Variants in ESRRG observed in about 807,000 individuals in gnomAD.
ESRRG encodes the protein estrogen-related receptor gamma.
Under a neutral mutation model 44.0 loss-of-function variants are expected in ESRRG, and 13 were observed. That is an observed-to-expected ratio of 0.30 (90% CI 0.19 to 0.47). ESRRG has a LOEUF of 0.47. ESRRG is among the 20% of genes least tolerant of loss of function. ESRRG has a pLI of 1.00. For missense variants in ESRRG, 395 were observed against 580.6 expected (o/e 0.68, Z 3.29); for synonymous variants, 215 against 214.6 (o/e 1.00, Z -0.02).
chr1:217,072,542 C>T (rs1291334484), intron 1 of ESRRG, among the ~76,000 whole-genome samples: 2 of 152,136 alleles, frequency 1.3e-5, no homozygotes, highest in East Asian at 1.9e-4. Context: ...GTTATTTTAA[C>T]CCCAGCTTTA....
At chr1:216,829,639 C>T (rs1429406060) in intron 2 of ESRRG, among the ~76,000 whole-genome samples, 1 of 151,720 alleles carries the variant, frequency 6.6e-6, no homozygotes, top group Non-Finnish European at 1.5e-5. Context: ...ACTCCAACCT[C>T]CGCCTCCTGG....
intron 1 of ESRRG, among the ~76,000 whole-genome samples, chr1:217,027,128 C>G (rs1416454488): frequency 6.6e-6 from 1 of 152,038 alleles, no homozygotes; most frequent in Non-Finnish European, 1.5e-5. Flanking sequence ...AATCTCTCAC[C>G]ACAAAGGCCA....
intron 2 of ESRRG, among the ~76,000 whole-genome samples, chr1:216,816,004 T>G (rs1226296089): frequency 6.6e-6 from 1 of 152,158 alleles, no homozygotes; most frequent in African/African-American, 2.4e-5. Context: ...ATGGCTCACA[T>G]GCAAAGTGTA....
intron 2 of ESRRG, among the ~76,000 whole-genome samples, chr1:216,657,163 C>A (rs1057207816): frequency 6.6e-6 from 1 of 151,988 alleles, no homozygotes; most frequent in Non-Finnish European, 1.5e-5. Flanking sequence ...CTATTCTGTG[C>A]TCATTTCCAC....
chr1:216,551,116 AAC>A (rs1465781599), intron 5 of ESRRG, among the ~76,000 whole-genome samples: 2 of 152,188 alleles, frequency 1.3e-5, no homozygotes, highest in Non-Finnish European at 2.9e-5. Context: ...GCTGCAGAAC[AAC>A]AGTCTTGAAA....
At chr1:216,640,965 T>C (rs1498282) in intron 3 of ESRRG, among the ~76,000 whole-genome samples, 124,613 of 152,082 alleles carry the variant, frequency 0.82, 51,315 homozygotes, top group African/African-American at 0.87. Context: ...AGGTTTCCCC[T>C]GCTTGGGGCT....
intron 3 of ESRRG, among the ~76,000 whole-genome samples, chr1:216,580,338 C>CG (rs2062520084): frequency 6.6e-6 from 1 of 151,666 alleles, no homozygotes; most frequent in African/African-American, 2.4e-5. Flanking sequence ...CACCAGTGTA[C>CG]AGTAAATTAA....
At chr1:216,563,575 T>A (rs2059165813) in intron 5 of ESRRG, among the ~76,000 whole-genome samples, 1 of 152,108 alleles carries the variant, frequency 6.6e-6, no homozygotes, top group South Asian at 2.1e-4. Context: ...ATAATTCAAG[T>A]AGAATACTAA....
intron 1 of ESRRG, among the ~76,000 whole-genome samples, chr1:217,068,653 T>C (rs779709156): frequency 9.2e-5 from 14 of 152,140 alleles, no homozygotes; most frequent in African/African-American, 1.9e-4. Flanking sequence ...TTAGAAGAAA[T>C]ACATCGAGAA....
chr1:216,886,977 A>G (rs113594360), intron 2 of ESRRG, among the ~76,000 whole-genome samples: 4,327 of 152,046 alleles, frequency 0.028, 357 homozygotes, highest in East Asian at 0.25. Flanking sequence ...GGCTCAAGCA[A>G]TCCACCCGCC....
At chr1:216,574,525 C>A (rs1363445444) in intron 3 of ESRRG, among the ~76,000 whole-genome samples, 1 of 152,170 alleles carries the variant, frequency 6.6e-6, no homozygotes, top group East Asian at 1.9e-4. Context: ...AAGTCAGAGG[C>A]ATTTCATAGG....
At chr1:217,107,157 GA>G (rs1284847766) in intron 1 of ESRRG, among the ~76,000 whole-genome samples, 37 of 152,092 alleles carry the variant, frequency 2.4e-4, no homozygotes, top group South Asian at 2.1e-4. Context: ...AAATTTGAAA[GA>G]AAAAAAGTGA....
At chr1:216,906,288 T>A (rs926462296) in intron 2 of ESRRG, among the ~76,000 whole-genome samples, 1 of 152,172 alleles carries the variant, frequency 6.6e-6, no homozygotes, top group Non-Finnish European at 1.5e-5. Flanking sequence ...AAAATCAATG[T>A]GCTGCTGATA....
chr1:216,743,796 A>T (rs2091047793), intron 2 of ESRRG, among the ~76,000 whole-genome samples: 1 of 152,160 alleles, frequency 6.6e-6, no homozygotes, highest in South Asian at 2.1e-4. Context: ...AAAATTTTAC[A>T]TCATTTAGTT....
intron 2 of ESRRG, among the ~76,000 whole-genome samples, chr1:216,824,568 G>C (rs1199195008): frequency 6.6e-6 from 1 of 151,724 alleles, no homozygotes; most frequent in Non-Finnish European, 1.5e-5. Flanking sequence ...GCAGGGAATA[G>C]CTTTTGAAAT....
At chr1:216,616,031 T>A (rs1224849788) in intron 3 of ESRRG, among the ~76,000 whole-genome samples, 1 of 152,264 alleles carries the variant, frequency 6.6e-6, no homozygotes, top group South Asian at 2.1e-4. Flanking sequence ...CCTGATCACA[T>A]TGTGGGTGTC....
intron 2 of ESRRG, among the ~76,000 whole-genome samples, chr1:216,732,111 A>T (rs1247637074): frequency 2.1e-5 from 2 of 96,764 alleles, no homozygotes; most frequent in African/African-American, 8.4e-5. Flanking sequence ...AATAAAAAAT[A>T]AAAAAAGAAA....
intron 3 of ESRRG, among the ~76,000 whole-genome samples, chr1:216,646,607 A>G (rs1308213074): frequency 6.6e-6 from 1 of 152,084 alleles, no homozygotes; most frequent in Non-Finnish European, 1.5e-5. Flanking sequence ...GCTAATGTTG[A>G]CCTCTTCCTT....
intron 1 of ESRRG, among the ~76,000 whole-genome samples, chr1:217,116,173 G>T (rs1427226694): frequency 2.6e-5 from 4 of 152,156 alleles, no homozygotes; most frequent in Non-Finnish European, 5.9e-5. Flanking sequence ...AATAGATTAA[G>T]ATAGGCACTT....
Sources: allele counts gnomAD v4.1 joint callset (sites outside exome capture counted in the v4.1 genomes callset), GRCh38; gene constraint gnomAD v4.1.1; transcripts MANE v1.5; gene names NCBI Gene and HGNC (gene_info 2026-07-23, HGNC 2026-07-21).